Variants in CREB5 observed in about 807,000 individuals in gnomAD.
CREB5 encodes the protein cyclic AMP-responsive element-binding protein 5.
Under a neutral mutation model 57.1 loss-of-function variants are expected in CREB5, and 19 were observed. The observed-to-expected ratio is 0.33, with a 90% CI of 0.23 to 0.49. The LOEUF is 0.49. Among genes scored for constraint, CREB5 ranks in the 20% least tolerant of loss-of-function variants. The pLI is 0.99. For missense variants in CREB5, 579 were observed against 671.6 expected (o/e 0.86, Z 1.52); for synonymous variants, 238 against 238.3 (o/e 1.00, Z 0.01).
At chr7:28,590,861 G>A (rs888419155) in intron 5 of CREB5, among the ~76,000 whole-genome samples, 1 of 151,980 alleles carries the variant, frequency 6.6e-6, no homozygotes, top group African/African-American at 2.4e-5. Context: ...AAAATATCTG[G>A]CATATAGCAA....
intron 1 of CREB5, among the ~76,000 whole-genome samples, chr7:28,426,208 G>A (rs187094470): frequency 3.9e-5 from 6 of 152,162 alleles, no homozygotes; most frequent in Admixed American, 2.6e-4. Context: ...CTTAGCAAAG[G>A]GCTACAATTA....
chr7:28,574,367 T>C (rs1232713722), intron 5 of CREB5, among the ~76,000 whole-genome samples: 1 of 152,194 alleles, frequency 6.6e-6, no homozygotes, highest in Non-Finnish European at 1.5e-5. Context: ...CCTGGGAAAA[T>C]GGCAGAAGGG....
At chr7:28,818,770 C>G in intron 10 of CREB5, 1 of 473,614 alleles carries the variant, frequency 2.1e-6, no homozygotes, top group South Asian at 1.5e-5. Flanking sequence ...GATTGAGCAA[C>G]ACAGATTCTC....
chr7:28,352,009 TA>T (rs936445917), intron 1 of CREB5, among the ~76,000 whole-genome samples: 5 of 152,218 alleles, frequency 3.3e-5, no homozygotes, highest in African/African-American at 1.2e-4. Context: ...TTAGTTGTTT[TA>T]AAAAAATTAT....
chr7:28,593,219 T>TA (rs1796585556), intron 5 of CREB5, among the ~76,000 whole-genome samples: 1 of 152,048 alleles, frequency 6.6e-6, no homozygotes, highest in Non-Finnish European at 1.5e-5. Context: ...GAATCAAGTT[T>TA]TTTTATTTTA....
chr7:28,588,261 T>C (rs553969283), intron 5 of CREB5, among the ~76,000 whole-genome samples: 5 of 152,154 alleles, frequency 3.3e-5, no homozygotes, highest in Non-Finnish European at 5.9e-5. Flanking sequence ...TAAAGTCAGA[T>C]CTTAACAAAA....
chr7:28,312,842 G>A (rs911963718), intron 1 of CREB5, among the ~76,000 whole-genome samples: 3 of 152,146 alleles, frequency 2.0e-5, no homozygotes, highest in African/African-American at 7.2e-5. Flanking sequence ...ATAACTCATA[G>A]TGTTGCCAGT....
chr7:28,607,648 A>C (rs1274679524), intron 5 of CREB5, among the ~76,000 whole-genome samples: 1 of 152,008 alleles, frequency 6.6e-6, no homozygotes, highest in African/African-American at 2.4e-5. Context: ...ATTGGAAGGA[A>C]AGTGGTTTAA....
chr7:28,427,171 A>G (rs540623182), intron 1 of CREB5, among the ~76,000 whole-genome samples: 11 of 152,332 alleles, frequency 7.2e-5, no homozygotes, highest in South Asian at 2.1e-4. Context: ...CTGATTTTTC[A>G]TTTTTACATT....
At chr7:28,351,785 G>GTTAAT (rs1295765418) in intron 1 of CREB5, among the ~76,000 whole-genome samples, 4 of 151,914 alleles carry the variant, frequency 2.6e-5, no homozygotes, top group Admixed American at 2.6e-4. Flanking sequence ...AAAAATCCTT[G>GTTAAT]TTAATTAGGT....
chr7:28,809,315 C>T lies in CREB5; in HGVS notation c.1155C>T (p.Asn385=), dbSNP rs1808954793. 6.2e-7 allele frequency: 1 copy of T among 1,614,070 alleles called. No homozygotes were observed. The highest frequency in any genetic ancestry group is 1.7e-5 in the Admixed American group (1 of 60,006). ...DERRRKFLER[N]RAAATRCRQK... is the part of the protein sequence containing the mutation. ...GGCGGCGGAAATTTCTGGAACGGAA[C>T]CGGGCAGCTGCCACCCGCTGCAGAC... Residue 385 remains asparagine (N), a synonymous_variant, in exon 9 of 11, where the codon AAC becomes AAT. Transcript: ENST00000357727.
At chr7:28,561,136 G>A (rs1489370662) in intron 4 of CREB5, among the ~76,000 whole-genome samples, 1 of 152,126 alleles carries the variant, frequency 6.6e-6, no homozygotes, top group Non-Finnish European at 1.5e-5. Flanking sequence ...AGTAAGGAGA[G>A]TGCTGACTTT....
chr7:28,807,109 T>C (rs1808771279), intron 8 of CREB5, among the ~76,000 whole-genome samples: 1 of 152,224 alleles, frequency 6.6e-6, no homozygotes, highest in Non-Finnish European at 1.5e-5. Context: ...GTTATTCCTC[T>C]ATAATCGGGA....
chr7:28,732,843 G>GT (rs60106222), intron 7 of CREB5, among the ~76,000 whole-genome samples: 27,435 of 141,332 alleles, frequency 0.19, 2,995 homozygotes, highest in African/African-American at 0.3. Context: ...GTTTAGGGTT[G>GT]TTTTTTTTTT....
intron 7 of CREB5, among the ~76,000 whole-genome samples, chr7:28,800,910 G>A (rs1808325503): frequency 1.3e-5 from 2 of 152,160 alleles, no homozygotes; most frequent in African/African-American, 4.8e-5. Flanking sequence ...ATGGCTTGTG[G>A]CACCTTCTCT....
chr7:28,521,223 C>T (rs1220112779), intron 4 of CREB5, among the ~76,000 whole-genome samples: 1 of 152,170 alleles, frequency 6.6e-6, no homozygotes. Flanking sequence ...AGTAAAAAAG[C>T]TGAGAACAGG....
chr7:28,801,990 C>A (rs1419340003), intron 7 of CREB5, among the ~76,000 whole-genome samples: 4 of 137,900 alleles, frequency 2.9e-5, no homozygotes, highest in Non-Finnish European at 6.1e-5. Flanking sequence ...GAGGCTGAGG[C>A]AGGAGAATCG....
chr7:28,686,586 T>C (rs2128727469), intron 5 of CREB5, among the ~76,000 whole-genome samples: 1 of 151,910 alleles, frequency 6.6e-6, no homozygotes, highest in Non-Finnish European at 1.5e-5. Context: ...TTTGCTGCGG[T>C]GTCGCTCCTA....
In CREB5 at chr7:28,560,832, G is replaced by A. The variant is rs529344707; in HGVS notation, c.292-9533G>A. Among the ~76,000 whole-genome samples the A allele has an allele frequency of 9.0e-5, 11 of 121,844 alleles. 1 individual carries two copies. Among genetic ancestry groups the A allele is most frequent in the East Asian group, 6.9e-4 (3 of 4,350 alleles). The allele number at this position is 121,844 out of a possible 152,430, so 79.9% of individuals were successfully genotyped here. ...CGCGTGTGTGTGTGTGCGCGCGCGC[G>A]CGTGTGTGTGTGCGCGTGTGTGTGT... On this transcript the variant is annotated intron_variant, in intron 4 of 10. Transcript: ENST00000357727.
Sources: gnomAD v4.1 joint callset for allele counts (sites outside exome capture counted in the v4.1 genomes callset) on GRCh38, gnomAD v4.1.1 for gene constraint, MANE v1.5 for transcripts, NCBI Gene and HGNC (gene_info 2026-07-23, HGNC 2026-07-21) for gene names.